The following UPP2 variants were observed in gnomAD, a reference collection of about 807,000 sequenced individuals.
UPP2 encodes uridine phosphorylase 2.
Under a neutral mutation model 26.7 loss-of-function variants are expected in UPP2, and 23 were observed. That is an observed-to-expected ratio of 0.86 (90% CI 0.62 to 1.22). The LOEUF is 1.22. Among genes scored for constraint, UPP2 ranks in the 50% most tolerant of loss-of-function variants. The probability of loss-of-function intolerance (pLI) is 0.00; values close to 1 mark genes in which losing one functional copy is unlikely to be tolerated. For synonymous variants in UPP2, 127 were observed against 141.3 expected (o/e 0.90, Z 0.72); for missense variants, 387 against 396.7 (o/e 0.98, Z 0.21).
chr2:158,003,899 G>A (rs1450050501), intron 2 of UPP2, among the ~76,000 whole-genome samples: 1 of 152,052 alleles, frequency 6.6e-6, no homozygotes, highest in Non-Finnish European at 1.5e-5. Context: ...TTCTCTAAGT[G>A]CTGGATTGTT....
upstream of UPP2, chr2:158,101,795 G>C: frequency 1.7e-6 from 2 of 1,174,078 alleles, no homozygotes; most frequent in South Asian, 6.3e-5. Context: ...CTTCAAAGGG[G>C]GCCTATCTTC....
chr2:158,082,370 C>T lies in UPP2; in HGVS notation c.148-19670C>T, dbSNP rs529113455. On this transcript the variant is annotated intron_variant, in intron 3 of 9. Transcript: ENST00000605860. ...TCGCTTACCACCTCCCACTCTTTCC[C>T]TAAGTCCCTAAAGTCCATTGTATGA... 2.0e-5 allele frequency among the ~76,000 whole-genome samples: 3 copies of T among 152,282 alleles called. No homozygotes were observed. The South Asian group carries it at 6.2e-4, about 32-fold the overall frequency.
intron 3 of UPP2, among the ~76,000 whole-genome samples, chr2:158,087,982 T>C (rs1682843441): frequency 6.6e-6 from 1 of 152,196 alleles, no homozygotes; most frequent in Admixed American, 6.5e-5. Context: ...CTTTTTGCAA[T>C]AAATTTCCCA....
rs1267681288 is a variant in UPP2, at chr2:158,136,133, A to G, written c.*1243A>G. 1.3e-5 allele frequency: 2 copies of G among 152,162 alleles called. No homozygotes were observed. Among genetic ancestry groups the G allele is most frequent in the Middle Eastern group, 3.2e-3 (1 of 316 alleles). The allele number at this position is 152,162 out of a possible 1,614,324, so 9.4% of individuals were successfully genotyped here. On this transcript the variant is annotated 3_prime_UTR_variant, in exon 7 of 7. Coordinates refer to ENST00000005756, the MANE Select transcript of UPP2 (RefSeq NM_173355.4). ...AAACAAGAGGTATTTATCATCACCA[A>G]TAAACAATCCCCCAAGAGGTACATT...
rs564457991 is a variant in UPP2, at chr2:158,115,726, T to C, written c.339+467T>C. 3.3e-5 allele frequency among the ~76,000 whole-genome samples: 5 copies of C among 152,288 alleles called. No homozygotes were observed. In the East Asian group the frequency reaches 7.7e-4, roughly 23 times the overall value. ...AAATTACTCTCCTGCATTTAGAACA[T>C]GTGAACAGTTATGGAAGCACACAGT... On this transcript the variant is annotated intron_variant, in intron 3 of 6. Coordinates refer to ENST00000005756, the MANE Select transcript of UPP2 (RefSeq NM_173355.4).
chr2:158,029,139 T>C (rs2105154781), intron 3 of UPP2, among the ~76,000 whole-genome samples: 1 of 152,344 alleles, frequency 6.6e-6, no homozygotes, highest in East Asian at 1.9e-4. Flanking sequence ...GTCTGAATGG[T>C]TCAATGGTAA....
chr2:158,123,730 G>A lies in UPP2; in HGVS notation c.665-19G>A, dbSNP rs781754841. ...GGGGTGGGACATCAAGTCACTAAACGTTCTCCCCTCCCTTTCAGGCCAAGG... is the reference window on the plus strand; with the variant it reads ...GGGGTGGGACATCAAGTCACTAAACATTCTCCCCTCCCTTTCAGGCCAAGG... On this transcript the variant is annotated intron_variant, in intron 5 of 6. Coordinates refer to ENST00000005756, the MANE Select transcript of UPP2 (RefSeq NM_173355.4). 2.7e-5 allele frequency: 43 copies of A among 1,610,130 alleles called. No individual in the cohort carries two copies. Among genetic ancestry groups the A allele is most frequent in the Admixed American group, 1.7e-4 (10 of 59,584 alleles).
chr2:158,101,905 A>T lies in UPP2; in HGVS notation c.-159A>T. ...GAAAATTTAAAATGCTAAAGGAAAA[A>T]TTTTCTTAGCAATTTCACAGGAAAA... On this transcript the variant is annotated 5_prime_UTR_variant, in exon 1 of 7. Transcript: ENST00000005756. The T allele has an allele frequency of 7.4e-7, 1 of 1,354,124 alleles. No individual in the cohort carries two copies. The highest frequency in any genetic ancestry group is 9.5e-7 in the Non-Finnish European group (1 of 1,055,458). 83.9% of individuals were successfully genotyped at this position (1,354,124 alleles called of 1,614,324 possible).
chr2:158,077,530 C>T (rs116700132), intron 3 of UPP2, among the ~76,000 whole-genome samples: 4 of 152,110 alleles, frequency 2.6e-5, no homozygotes, highest in Admixed American at 6.5e-5. Context: ...GTGCCAAGAA[C>T]GTACATTGAT....
chr2:158,111,396 T>C (rs895595428), intron 2 of UPP2, among the ~76,000 whole-genome samples: 1 of 152,184 alleles, frequency 6.6e-6, no homozygotes, highest in African/African-American at 2.4e-5. Flanking sequence ...GATATTAATA[T>C]AGTCATTCCA....
At chr2:158,089,695 C>T (rs939693440) in intron 3 of UPP2, among the ~76,000 whole-genome samples, 1 of 152,206 alleles carries the variant, frequency 6.6e-6, no homozygotes, top group African/African-American at 2.4e-5. Context: ...TGCTTCTACC[C>T]CTGTATTTCA....
intron 3 of UPP2, among the ~76,000 whole-genome samples, chr2:158,039,954 G>T (rs547479781): frequency 6.6e-6 from 1 of 152,334 alleles, no homozygotes; most frequent in South Asian, 2.1e-4. Context: ...TTGTGTGCAG[G>T]GCTGTGTGTT....
At chr2:158,097,578 A>G (rs892326239), upstream of UPP2, among the ~76,000 whole-genome samples, 18 of 152,332 alleles carry the variant, frequency 1.2e-4, no homozygotes, top group African/African-American at 4.3e-4. Flanking sequence ...ACATAACCAC[A>G]TCTCCTGAGA....
chr2:158,049,369 C>A (rs963964968), intron 3 of UPP2, among the ~76,000 whole-genome samples: 6 of 152,176 alleles, frequency 3.9e-5, no homozygotes, highest in Non-Finnish European at 8.8e-5. Flanking sequence ...CCCATTCATG[C>A]CACAGGCCTC....
intron 6 of UPP2, among the ~76,000 whole-genome samples, chr2:158,132,977 A>G (rs1558943792): frequency 6.6e-6 from 1 of 152,184 alleles, no homozygotes; most frequent in Non-Finnish European, 1.5e-5. Flanking sequence ...TTCTTCAAAA[A>G]ACTAAGAATT....
intron 2 of UPP2, among the ~76,000 whole-genome samples, chr2:158,008,536 G>A (rs1256953904): frequency 6.6e-6 from 1 of 152,138 alleles, no homozygotes; most frequent in East Asian, 1.9e-4. Flanking sequence ...ATAAAATACT[G>A]TACTGGCACA....
At chr2:158,119,951 C>A (rs1683527935) in intron 4 of UPP2, among the ~76,000 whole-genome samples, 1 of 150,116 alleles carries the variant, frequency 6.7e-6, no homozygotes, top group Non-Finnish European at 1.5e-5. Context: ...GCAGAGACTG[C>A]AGTGAGCTGA....
intron 3 of UPP2, among the ~76,000 whole-genome samples, chr2:158,032,685 T>A (rs1466799978): frequency 6.6e-6 from 1 of 152,030 alleles, no homozygotes; most frequent in Admixed American, 6.5e-5. Context: ...TGGAACACAG[T>A]ATGTCTGGGA....
At chr2:158,049,604 C>G (rs573909269) in intron 3 of UPP2, among the ~76,000 whole-genome samples, 1 of 152,262 alleles carries the variant, frequency 6.6e-6, no homozygotes, top group South Asian at 2.1e-4. Context: ...ACAACAGGTG[C>G]ATGGAAATCA....
Sources: allele counts gnomAD v4.1 joint callset (sites outside exome capture counted in the v4.1 genomes callset), GRCh38; gene constraint gnomAD v4.1.1; transcripts MANE v1.5; gene names NCBI Gene and HGNC (gene_info 2026-07-23, HGNC 2026-07-21).